CCDC60: variants seen among roughly 807,000 people sequenced by gnomAD.
CCDC60 encodes coiled-coil domain-containing protein 60.
Under a neutral mutation model 63.5 loss-of-function variants are expected in CCDC60, and 54 were observed. That is an observed-to-expected ratio of 0.85 (90% CI 0.68 to 1.07). The LOEUF is 1.07. Ranked by LOEUF, CCDC60 falls within the 50% of genes least tolerant of loss-of-function variation. The probability of loss-of-function intolerance (pLI) is 0.00; values close to 1 mark genes in which losing one functional copy is unlikely to be tolerated. For synonymous variants in CCDC60, 206 were observed against 238.8 expected (o/e 0.86, Z 1.27); for missense variants, 651 against 684.3 (o/e 0.95, Z 0.54).
intron 13 of CCDC60, among the ~76,000 whole-genome samples, chr12:119,532,151 C>T (rs1478217722): frequency 1.3e-5 from 2 of 152,042 alleles, no homozygotes; most frequent in Non-Finnish European, 2.9e-5. Context: ...TCCCCATGAC[C>T]CGTGAGGCTC....
At chr12:119,395,163 A>C (rs36090371) in intron 1 of CCDC60, among the ~76,000 whole-genome samples, 32,131 of 152,128 alleles carry the variant, frequency 0.21, 3,910 homozygotes, top group East Asian at 0.57. Flanking sequence ...CCAACAGATG[A>C]AAAGTCATGA....
chr12:119,504,659 T>C (rs1217055685), intron 6 of CCDC60, among the ~76,000 whole-genome samples: 7 of 152,182 alleles, frequency 4.6e-5, no homozygotes, highest in Non-Finnish European at 1.0e-4. Flanking sequence ...AACCAAGATG[T>C]GGTTAAAAAA....
intron 2 of CCDC60, among the ~76,000 whole-genome samples, chr12:119,435,535 A>G (rs1950308999): frequency 6.6e-6 from 1 of 152,232 alleles, no homozygotes; most frequent in Non-Finnish European, 1.5e-5. Flanking sequence ...CTGTCTTGCA[A>G]ATCCCCAGGG....
chr12:119,345,479 G>A (rs992196788), intron 1 of CCDC60, among the ~76,000 whole-genome samples: 1 of 149,100 alleles, frequency 6.7e-6, no homozygotes, highest in Admixed American at 6.7e-5. Flanking sequence ...TCCAGCCTTG[G>A]TGACAGAGTG....
chr12:119,386,009 T>C (rs1168955331), intron 1 of CCDC60, among the ~76,000 whole-genome samples: 1 of 152,246 alleles, frequency 6.6e-6, no homozygotes, highest in African/African-American at 2.4e-5. Context: ...AGATGTTGCT[T>C]GGTTCATTGC....
intron 1 of CCDC60, among the ~76,000 whole-genome samples, chr12:119,408,415 C>T (rs749686071): frequency 2.0e-5 from 3 of 152,132 alleles, no homozygotes; most frequent in Non-Finnish European, 2.9e-5. Context: ...AACAGGGAGA[C>T]GGCTCACTCC....
chr12:119,524,721 C>CTCTTTTTTTTTTTTTTTT (rs1952635855), intron 11 of CCDC60, among the ~76,000 whole-genome samples: 1 of 99,050 alleles, frequency 1.0e-5, no homozygotes, highest in East Asian at 2.9e-4. Flanking sequence ...CTTTTCTTTT[C>CTCTTTTTTTTTTTTTTTT]TTTTTTTTTT....
chr12:119,401,721 A>G (rs953534563), intron 1 of CCDC60, among the ~76,000 whole-genome samples: 1 of 152,260 alleles, frequency 6.6e-6, no homozygotes, highest in Non-Finnish European at 1.5e-5. Context: ...AATGGATATC[A>G]TACAAATATT....
rs962965792 is a variant in CCDC60, at chr12:119,410,052, C to G, written c.91-18631C>G. On this transcript the variant is annotated intron_variant, in intron 1 of 13. Transcript: ENST00000327554. This position sits in a 1 kb window ranked among gnomAD's most constrained non-coding sequence, Gnocchi z 4.0. ...AGAGTTTGGCATCAACCTGCTCCAG[C>G]CTCCTTATAGTCCCACGATACTCAA... is the stretch of plus-strand genomic sequence containing the variant. Among the ~76,000 whole-genome samples, 1 of 152,194 alleles carries G rather than the reference C, an allele frequency of 6.6e-6. No individual in the cohort carries two copies. Among genetic ancestry groups the G allele is most frequent in the African/African-American group, 2.4e-5 (1 of 41,444 alleles).
At chr12:119,429,016 A>G in intron 2 of CCDC60, 1 of 386,094 alleles carries the variant, frequency 2.6e-6, no homozygotes. Flanking sequence ...CTGGACCTGA[A>G]TCCAACTCAA....
intron 4 of CCDC60, among the ~76,000 whole-genome samples, chr12:119,481,131 A>C (rs1014751400): frequency 8.6e-5 from 13 of 151,806 alleles, no homozygotes; most frequent in African/African-American, 3.1e-4. Flanking sequence ...ATCCCTCCCT[A>C]ATATTTCAGT....
chr12:119,421,125 C>T (rs1294494327), intron 1 of CCDC60, among the ~76,000 whole-genome samples: 4 of 152,306 alleles, frequency 2.6e-5, no homozygotes, highest in Non-Finnish European at 5.9e-5. Flanking sequence ...AATTCACTTC[C>T]ATCTTCATCT....
At chr12:119,534,467 TGA>T (rs1332163768) in intron 13 of CCDC60, among the ~76,000 whole-genome samples, 1 of 152,216 alleles carries the variant, frequency 6.6e-6, no homozygotes, top group Non-Finnish European at 1.5e-5. Flanking sequence ...ATAGGAGTGG[TGA>T]GAGACGGCAT....
intron 4 of CCDC60, among the ~76,000 whole-genome samples, chr12:119,481,403 G>A (rs145668403): frequency 1.3e-5 from 2 of 152,118 alleles, no homozygotes; most frequent in South Asian, 2.1e-4. Context: ...GTCTGGGGGT[G>A]GGGGAGAGCA....
intron 2 of CCDC60, among the ~76,000 whole-genome samples, chr12:119,443,792 C>T (rs913053908): frequency 5.3e-5 from 8 of 152,230 alleles, no homozygotes; most frequent in African/African-American, 1.9e-4. Flanking sequence ...AATCCTGGCT[C>T]TACCACCTAC....
At chr12:119,444,927 C>CT (rs112594419) in intron 2 of CCDC60, among the ~76,000 whole-genome samples, 90 of 149,262 alleles carry the variant, frequency 6.0e-4, no homozygotes, top group Middle Eastern at 6.9e-3. Flanking sequence ...AGCAAAATGG[C>CT]TTTTTTTTTT....
At chr12:119,480,421 T>C (rs16949244) in intron 4 of CCDC60, among the ~76,000 whole-genome samples, 2,845 of 152,324 alleles carry the variant, frequency 0.019, 80 homozygotes, top group African/African-American at 0.064. Context: ...GAGCTCATAA[T>C]ATATTTGGCA....
chr12:119,504,540 A>G (rs1951941359), intron 6 of CCDC60, among the ~76,000 whole-genome samples: 1 of 152,032 alleles, frequency 6.6e-6, no homozygotes, highest in Non-Finnish European at 1.5e-5. Context: ...CAGGCCTACA[A>G]TTTCCCTATT....
At chr12:119,433,352 G>T in intron 2 of CCDC60, 1 of 698,664 alleles carries the variant, frequency 1.4e-6, no homozygotes, top group Non-Finnish European at 2.6e-6. Flanking sequence ...AAATGTTAAA[G>T]CTGAGATTTA....
Sources: allele counts gnomAD v4.1 joint callset (sites outside exome capture counted in the v4.1 genomes callset), GRCh38; gene constraint gnomAD v4.1.1; non-coding constraint Gnocchi (gnomAD v3.1); transcripts MANE v1.5; gene names NCBI Gene and HGNC (gene_info 2026-07-23, HGNC 2026-07-21).